RCAN2: variants seen among roughly 807,000 people sequenced by gnomAD.
The protein encoded by RCAN2 is calcipressin-2.
A neutral mutation model predicts 23.6 loss-of-function variants in RCAN2; 9 were observed. The ratio of observed to expected loss-of-function variants is 0.38; its 90% CI spans 0.23 to 0.67. The LOEUF is 0.67. RCAN2 is among the 30% of genes least tolerant of loss of function. RCAN2 has a pLI of 0.51. For missense variants in RCAN2, 273 were observed against 302.3 expected (o/e 0.90, Z 0.72); for synonymous variants, 109 against 115.7 (o/e 0.94, Z 0.37).
At chr6:46,304,568 T>C (rs1763005602) in intron 2 of RCAN2, among the ~76,000 whole-genome samples, 1 of 152,088 alleles carries the variant, frequency 6.6e-6, no homozygotes, top group African/African-American at 2.4e-5. Context: ...TATTTGACAG[T>C]GTGTAAAATG....
At chr6:46,444,402 A>G (rs1767503031) in intron 2 of RCAN2, among the ~76,000 whole-genome samples, 1 of 152,186 alleles carries the variant, frequency 6.6e-6, no homozygotes, top group Admixed American at 6.5e-5. Flanking sequence ...CTACACAGAC[A>G]GTATCTATAC....
Position 46,447,745 on chromosome 6 carries a change from C to A in RCAN2, c.225+9007G>T, listed in dbSNP as rs968217489. Among the ~76,000 whole-genome samples the A allele has an allele frequency of 4.6e-5, 7 of 151,590 alleles. No individual in the cohort carries two copies. The South Asian group carries it at 1.0e-3, about 22-fold the overall frequency. On this transcript the variant is annotated intron_variant, in intron 2 of 4. Coordinates refer to ENST00000371374, the MANE Select transcript of RCAN2 (RefSeq NM_001251974.2). ...AAAAATTTAACAAGATGTTTCTGAA[C>A]AACTAATGGGTCAAAGAAGAATTTA... is the stretch of plus-strand genomic sequence containing the variant.
At chr6:46,380,524 C>G (rs564226494) in intron 2 of RCAN2, among the ~76,000 whole-genome samples, 1 of 152,176 alleles carries the variant, frequency 6.6e-6, no homozygotes, top group African/African-American at 2.4e-5. Flanking sequence ...AAAGCAAGTT[C>G]TAGGCCCCTA....
At chr6:46,438,814 C>G (rs1054035815) in intron 2 of RCAN2, among the ~76,000 whole-genome samples, 6 of 152,144 alleles carry the variant, frequency 3.9e-5, no homozygotes, top group African/African-American at 1.4e-4. Context: ...TTTCTTTCAT[C>G]TTTGTACTCC....
At chr6:46,270,324 G>A (rs754991430) in intron 2 of RCAN2, among the ~76,000 whole-genome samples, 6 of 152,140 alleles carry the variant, frequency 3.9e-5, no homozygotes, top group Non-Finnish European at 8.8e-5. Flanking sequence ...ATGGGCCTCC[G>A]CACCATCTGG....
intron 1 of RCAN2, among the ~76,000 whole-genome samples, chr6:46,481,860 A>G (rs763174446): frequency 1.3e-4 from 20 of 152,220 alleles, no homozygotes; most frequent in Non-Finnish European, 1.9e-4. Context: ...TTTGAGAATA[A>G]CTTCATCTCG....
intron 2 of RCAN2, among the ~76,000 whole-genome samples, chr6:46,272,277 T>A (rs1355535190): frequency 6.6e-6 from 1 of 152,208 alleles, no homozygotes; most frequent in African/African-American, 2.4e-5. Context: ...TAAATATGGG[T>A]TACACCCTTT....
At chr6:46,291,616 T>C (rs1460678142) in intron 2 of RCAN2, among the ~76,000 whole-genome samples, 1 of 151,490 alleles carries the variant, frequency 6.6e-6, no homozygotes, top group Non-Finnish European at 1.5e-5. Context: ...ACAACAAAAT[T>C]CATAGAAATA....
intron 2 of RCAN2, among the ~76,000 whole-genome samples, chr6:46,312,902 C>T (rs189732572): frequency 6.6e-6 from 1 of 152,326 alleles, no homozygotes; most frequent in East Asian, 1.9e-4. Context: ...ACACTCCAGC[C>T]AGAGTGGACT....
chr6:46,224,801 T>TA (rs1305067140), intron 4 of RCAN2, among the ~76,000 whole-genome samples: 2 of 151,572 alleles, frequency 1.3e-5, no homozygotes, highest in Non-Finnish European at 2.9e-5. Flanking sequence ...TTTTTTTTTT[T>TA]ATTATACTTT....
intron 2 of RCAN2, among the ~76,000 whole-genome samples, chr6:46,434,808 A>G (rs1243660913): frequency 6.6e-6 from 1 of 152,176 alleles, no homozygotes; most frequent in Non-Finnish European, 1.5e-5. Context: ...CATTTTGGGT[A>G]TTCATGATGG....
chr6:46,293,546 A>G (rs183352117), intron 2 of RCAN2, among the ~76,000 whole-genome samples: 91 of 152,320 alleles, frequency 6.0e-4, no homozygotes, highest in African/African-American at 2.1e-3. Flanking sequence ...TTCAAATAAG[A>G]AATTCAAATT....
intron 2 of RCAN2, among the ~76,000 whole-genome samples, chr6:46,398,927 C>CAT (rs950853777): frequency 6.7e-6 from 1 of 148,524 alleles, no homozygotes; most frequent in African/African-American, 2.5e-5. Context: ...TATATATATA[C>CAT]ATATATATAC....
chr6:46,271,342 T>A (rs1767517737), intron 2 of RCAN2, among the ~76,000 whole-genome samples: 1 of 152,188 alleles, frequency 6.6e-6, no homozygotes, highest in Admixed American at 6.5e-5. Context: ...CAGAGGTCAG[T>A]CTTTGTTCTA....
chr6:46,431,900 G>C (rs1170787229), intron 2 of RCAN2, among the ~76,000 whole-genome samples: 1 of 152,082 alleles, frequency 6.6e-6, no homozygotes, highest in African/African-American at 2.4e-5. Context: ...GATATGTATT[G>C]ACTTTGTATT....
chr6:46,263,452 AGTGTGTGT>A (rs372510159), intron 2 of RCAN2, among the ~76,000 whole-genome samples: 1 of 124,376 alleles, frequency 8.0e-6, no homozygotes, highest in African/African-American at 3.0e-5. Context: ...GTCATCAGAG[AGTGTGTGT>A]GTGTGTGTGT....
intron 2 of RCAN2, among the ~76,000 whole-genome samples, chr6:46,268,267 C>A (rs78036600): frequency 6.6e-6 from 1 of 152,182 alleles, no homozygotes; most frequent in Non-Finnish European, 1.5e-5. Context: ...TTGAAGAGAG[C>A]AGACATAAGC....
At chr6:46,460,531 C>T (rs1046096388) in intron 1 of RCAN2, among the ~76,000 whole-genome samples, 32 of 152,156 alleles carry the variant, frequency 2.1e-4, no homozygotes, top group Non-Finnish European at 4.7e-4. Flanking sequence ...GGGAGGGCTT[C>T]CCAACCTCAC....
At chr6:46,471,809 T>C (rs1030561081) in intron 1 of RCAN2, among the ~76,000 whole-genome samples, 1 of 152,144 alleles carries the variant, frequency 6.6e-6, no homozygotes, top group Non-Finnish European at 1.5e-5. Context: ...GGGTGTGTTA[T>C]AGGGATTCAA....
Sources: gnomAD v4.1 joint callset for allele counts (sites outside exome capture counted in the v4.1 genomes callset) on GRCh38, gnomAD v4.1.1 for gene constraint, MANE v1.5 for transcripts, NCBI Gene and HGNC (gene_info 2026-07-23, HGNC 2026-07-21) for gene names.